COL4A2: variants seen among roughly 807,000 people sequenced by gnomAD.
The protein encoded by COL4A2 is collagen alpha-2(IV) chain.
A neutral mutation model predicts 200.2 loss-of-function variants in COL4A2; 99 were observed. The ratio of observed to expected loss-of-function variants is 0.49; its 90% CI spans 0.42 to 0.58. COL4A2 has a LOEUF of 0.58. Among genes scored for constraint, COL4A2 ranks in the 20% least tolerant of loss-of-function variants. The probability of loss-of-function intolerance (pLI) is 0.00; values close to 1 mark genes in which losing one functional copy is unlikely to be tolerated. For synonymous variants in COL4A2, 897 were observed against 900.6 expected, an observed-to-expected ratio of 1.00 and a Z score of 0.07; for missense variants, 1,950 against 2,314.1, an observed-to-expected ratio of 0.84 and a Z score of 3.23.
rs762791730 is a variant in COL4A2 at position 110,480,316 on chromosome 13, C to A, written c.2684C>A (p.Thr895Lys). ...LSGDRGDAGFTGEQGHPGSPG... is the reference protein window; with the variant it reads ...LSGDRGDAGFKGEQGHPGSPG... ...GGTGACAGAGGAGATGCTGGCTTCA[C>A]AGGGGAGCAAGGCCATCCAGGAAGC... Residue 895 changes from threonine to lysine, a missense_variant, in exon 31 of 48, where the codon ACA becomes AAA. Thr to Lys is a moderately conservative substitution (Grantham distance 78). Coordinates refer to ENST00000360467, the MANE Select transcript of COL4A2 (RefSeq NM_001846.4). 7.4e-6 allele frequency: 12 copies of A among 1,614,000 alleles called. No individual in the cohort carries two copies. Among genetic ancestry groups the A allele is most frequent in the Non-Finnish European group, 1.0e-5 (12 of 1,179,938 alleles).
At chr13:110,429,264 C>T (rs1450905892) in intron 7 of COL4A2, 1 of 152,290 alleles carries the variant, frequency 6.6e-6, no homozygotes, top group Non-Finnish European at 1.5e-5. Flanking sequence ...TCCACCTCCA[C>T]CTGCTAGTTC....
Position 110,479,164 on chromosome 13 carries a change from T to G in COL4A2, c.2587+1000T>G, listed in dbSNP as rs1882804058. On this transcript the variant is annotated intron_variant, in intron 30 of 47. Transcript: ENST00000360467. ...CGACAGGGCCGTGCTGGTTCTCAAC[T>G]ACTGAGAATCAGCTGAACACAGCGT... is the stretch of plus-strand genomic sequence containing the variant. 2.0e-5 allele frequency among the ~76,000 whole-genome samples: 3 copies of G among 152,336 alleles called. No homozygotes were observed. In the East Asian group the frequency reaches 5.8e-4, roughly 29 times the overall value.
intron 4 of COL4A2, among the ~76,000 whole-genome samples, chr13:110,419,292 A>G (rs1880155605): frequency 6.6e-6 from 1 of 152,250 alleles, no homozygotes; most frequent in African/African-American, 2.4e-5. Flanking sequence ...TTATTCTACC[A>G]GTAAAATACT....
Position 110,473,122 on chromosome 13 carries a change from C to T in COL4A2, c.2397C>T (p.Pro799=), listed in dbSNP as rs890625154. 31 of 1,560,820 alleles carry T rather than the reference C, an allele frequency of 2.0e-5. No individual in the cohort carries two copies. Among genetic ancestry groups the T allele is most frequent in the Admixed American group, 3.8e-5 (2 of 52,312 alleles). Residue 799 remains proline, a synonymous_variant, in exon 29 of 48, where the codon CCC becomes CCT. Transcript: ENST00000360467. ...GACAGCCTGGGCTTAAAGGCCTTCCCGGAGACAGAGGCCCCCCTGGATTCA... is the reference window on the plus strand; with the variant it reads ...GACAGCCTGGGCTTAAAGGCCTTCCTGGAGACAGAGGCCCCCCTGGATTCA... ...VPGQPGLKGL[P]GDRGPPGFRG... is the part of the protein sequence containing the mutation.
chr13:110,394,229 C>G (rs1011125568), intron 4 of COL4A2, among the ~76,000 whole-genome samples: 2 of 152,134 alleles, frequency 1.3e-5, no homozygotes, highest in African/African-American at 2.4e-5. Flanking sequence ...TACTTTCTGC[C>G]AGACACTGTT....
At chr13:110,485,947 T>C (rs976205243) in intron 34 of COL4A2, 111 bp downstream of exon 34, 2 of 1,501,668 alleles carry the variant, frequency 1.3e-6, no homozygotes, top group African/African-American at 2.8e-5. Flanking sequence ...AGTGGCAGGT[T>C]CAGGGCAGCC....
chr13:110,487,755 G>A (rs1883160236), intron 34 of COL4A2, among the ~76,000 whole-genome samples: 1 of 152,178 alleles, frequency 6.6e-6, no homozygotes, highest in Non-Finnish European at 1.5e-5. Context: ...TCATCGATGT[G>A]AAGTTCAAGA....
Position 110,480,352 on chromosome 13 carries a change from A to C in COL4A2, c.2720A>C (p.Lys907Thr), listed in dbSNP as rs767615338. 1.2e-5 allele frequency: 19 copies of C among 1,613,396 alleles called. No homozygotes were observed. Among genetic ancestry groups the C allele is most frequent in the Middle Eastern group, 1.6e-4 (1 of 6,076 alleles). The stretch of plus-strand genomic sequence containing the variant: ...GGCCATCCAGGAAGCCCTGGATTTA[A>C]AGGAATTGATGGAATGCCTGGGACC... ...EQGHPGSPGF[K>T]GIDGMPGTPG... The change falls in exon 31 of 48, where the codon AAA becomes ACA. Residue 907 changes from lysine to threonine, a missense_variant. Physicochemically the swap from Lys to Thr is moderately conservative, Grantham distance 78. Around this residue, in one of 2 missense-constraint regions of COL4A2, gnomAD observed 1,385 missense variants for 1,720.5 expected, o/e 0.80. Transcript: ENST00000360467.
At chr13:110,324,788 G>A (rs1377678285) in intron 3 of COL4A2, among the ~76,000 whole-genome samples, 1 of 152,206 alleles carries the variant, frequency 6.6e-6, no homozygotes, top group Admixed American at 6.5e-5. Flanking sequence ...GTGTAGGTGG[G>A]GCCTCCCGGC....
In COL4A2 at chr13:110,432,322, C is replaced by T. The variant is rs1360971519; in HGVS notation, c.649-3C>T. 1.2e-6 allele frequency: 2 copies of T among 1,608,228 alleles called. No individual in the cohort carries two copies. Among genetic ancestry groups the T allele is most frequent in the Admixed American group, 3.4e-5 (2 of 58,736 alleles). The stretch of plus-strand genomic sequence containing the variant: ...ATTTACACATTTCTTTGTATTTGTA[C>T]AGGGACCACCTGGACCCCCTGGACC... On this transcript the variant is annotated splice_polypyrimidine_tract_variant and splice_region_variant and intron_variant, in intron 10 of 47. Coordinates refer to ENST00000360467, the MANE Select transcript of COL4A2 (RefSeq NM_001846.4).
chr13:110,511,740 C>T (rs928971341), intron 47 of COL4A2, among the ~76,000 whole-genome samples, 194 bp from the exon 48 acceptor site: 32 of 148,908 alleles, frequency 2.1e-4, no homozygotes, highest in African/African-American at 7.8e-4. Context: ...GGGGCTGCCT[C>T]CTGCAGGGGG....
In COL4A2 at chr13:110,480,384, C is replaced by G. The variant is rs1882858435; in HGVS notation, c.2752C>G (p.Leu918Val). Residue 918 changes from leucine to valine, a missense_variant, in exon 31 of 48, where the codon CTA becomes GTA. Transcript: ENST00000360467. ...GIDGMPGTPG[L>V]KGDRGSPGMD... ...TGATGGAATGCCTGGGACCCCCGGGCTAAAAGGTAATTGTGTGACTGTGAC... is the reference window on the plus strand; with the variant it reads ...TGATGGAATGCCTGGGACCCCCGGGGTAAAAGGTAATTGTGTGACTGTGAC... 1.2e-6 allele frequency: 2 copies of G among 1,610,758 alleles called. No homozygotes were observed. Among genetic ancestry groups the G allele is most frequent in the East Asian group, 2.2e-5 (1 of 44,816 alleles).
intron 4 of COL4A2, among the ~76,000 whole-genome samples, chr13:110,386,727 A>T (rs532847876): frequency 6.6e-6 from 1 of 152,342 alleles, no homozygotes; most frequent in African/African-American, 2.4e-5. Flanking sequence ...ACTTCTATGT[A>T]GAGAGTACTC....
intron 4 of COL4A2, among the ~76,000 whole-genome samples, chr13:110,358,958 G>A (rs1454129915): frequency 6.6e-6 from 1 of 152,094 alleles, no homozygotes; most frequent in Non-Finnish European, 1.5e-5. Context: ...GTGTATATAT[G>A]TGCATATATA....
chr13:110,471,791 A>G (rs1368550660), intron 28 of COL4A2, among the ~76,000 whole-genome samples: 1 of 152,152 alleles, frequency 6.6e-6, no homozygotes, highest in African/African-American at 2.4e-5. Flanking sequence ...AACACAGAAA[A>G]CATTCCCTTT....
chr13:110,448,983 A>G (rs1056208210), intron 18 of COL4A2, among the ~76,000 whole-genome samples: 2 of 152,214 alleles, frequency 1.3e-5, no homozygotes, highest in Non-Finnish European at 1.5e-5. Flanking sequence ...AAGCTGCCCG[A>G]GCAGGAGACG....
chr13:110,442,113 A>C (rs1209301429), intron 16 of COL4A2, among the ~76,000 whole-genome samples: 2 of 150,462 alleles, frequency 1.3e-5, no homozygotes, highest in African/African-American at 2.5e-5. Flanking sequence ...AAAAAAAAAA[A>C]AAGGGCAGTT....
chr13:110,504,827 C>T (rs541690370), intron 45 of COL4A2, among the ~76,000 whole-genome samples: 7 of 152,032 alleles, frequency 4.6e-5, no homozygotes, highest in South Asian at 4.2e-4. Context: ...AGGCTGGTCT[C>T]GAACTCCTGA....
intron 3 of COL4A2, among the ~76,000 whole-genome samples, chr13:110,345,514 C>T (rs879831145): frequency 6.6e-6 from 1 of 152,006 alleles, no homozygotes; most frequent in Admixed American, 6.5e-5. Flanking sequence ...TGGGTACAGT[C>T]GAGGCCTCCT....
Sources: allele counts gnomAD v4.1 joint callset (sites outside exome capture counted in the v4.1 genomes callset), GRCh38; gene constraint gnomAD v4.1.1; regional missense constraint gnomAD v4.1.1; transcripts MANE v1.5; gene names NCBI Gene and HGNC (gene_info 2026-07-23, HGNC 2026-07-21).